Variants in SLC22A23 observed in about 807,000 individuals in gnomAD.
The protein encoded by SLC22A23 is solute carrier family 22 member 23.
In SLC22A23, 26 loss-of-function variants were observed where a neutral mutation model predicts 61.0. That is an observed-to-expected ratio of 0.43 (90% CI 0.31 to 0.59). The LOEUF (loss-of-function observed/expected upper bound fraction) is 0.59, where lower values mean the gene tolerates loss of function less well. SLC22A23 is among the 20% of genes least tolerant of loss of function. The probability of loss-of-function intolerance (pLI) is 0.11; values close to 1 mark genes in which losing one functional copy is unlikely to be tolerated. For synonymous variants in SLC22A23, 430 were observed against 413.9 expected, an observed-to-expected ratio of 1.04 and a Z score of -0.47; for missense variants, 796 against 934.7, an observed-to-expected ratio of 0.85 and a Z score of 1.94.
intron 1 of SLC22A23, among the ~76,000 whole-genome samples, chr6:3,417,130 A>T (rs1769772792): frequency 6.6e-6 from 1 of 152,112 alleles, no homozygotes; most frequent in Non-Finnish European, 1.5e-5. Context: ...ATTCAGGAAA[A>T]GCCAAGCTCT....
chr6:3,406,604 G>A (rs772353288), intron 3 of SLC22A23, among the ~76,000 whole-genome samples: 80 of 152,026 alleles, frequency 5.3e-4, no homozygotes, highest in Non-Finnish European at 2.9e-4. Context: ...CAGTCCAAGT[G>A]TATTTAGAAA....
chr6:3,414,878 CCT>C lies in SLC22A23; in HGVS notation c.758+872_758+873del, dbSNP rs776180066. ...GCTTAGACACCTCACCGCTGCTGCC[CCT>C]GTGACCACAGAATGCCTTAAATAAA... On this transcript the variant is annotated intron_variant, in intron 2 of 9. Transcript: ENST00000406686. The surrounding 1 kb of genome is among the most constrained non-coding windows in gnomAD (Gnocchi z 5.1). Among the ~76,000 whole-genome samples the C allele has an allele frequency of 9.2e-5, 14 of 152,224 alleles. No individual in the cohort carries two copies. In the East Asian group the frequency reaches 2.5e-3, roughly 27 times the overall value.
At chr6:3,383,898 G>A (rs1223361739) in intron 3 of SLC22A23, among the ~76,000 whole-genome samples, 2 of 152,222 alleles carry the variant, frequency 1.3e-5, no homozygotes, top group Non-Finnish European at 2.9e-5. Context: ...ATGGTATGGA[G>A]TAAAGTGACA....
Position 3,386,268 on chromosome 6 carries a change from G to A in SLC22A23, c.913+23920C>T, listed in dbSNP as rs1246105497. ...AGGGGTTTAGAAACCCAAGGCAGGGGAGGTAGGAAGGGGAGGCAGAAAAGG... is the reference window on the plus strand; with the variant it reads ...AGGGGTTTAGAAACCCAAGGCAGGGAAGGTAGGAAGGGGAGGCAGAAAAGG... On this transcript the variant is annotated intron_variant, in intron 3 of 9. Transcript: ENST00000406686. The surrounding 1 kb of genome is among the most constrained non-coding windows in gnomAD (Gnocchi z 4.4). Among the ~76,000 whole-genome samples the A allele has an allele frequency of 6.6e-6, 1 of 152,206 alleles. No individual in the cohort carries two copies. Among genetic ancestry groups the A allele is most frequent in the Non-Finnish European group, 1.5e-5 (1 of 68,026 alleles).
chr6:3,282,992 G>A (rs752553594), intron 9 of SLC22A23, among the ~76,000 whole-genome samples: 3 of 152,166 alleles, frequency 2.0e-5, no homozygotes, highest in Non-Finnish European at 4.4e-5. Context: ...CAGACTCCAC[G>A]AGGGCGGGAC....
chr6:3,276,515 T>G (rs982221298), intron 9 of SLC22A23, among the ~76,000 whole-genome samples: 3 of 152,260 alleles, frequency 2.0e-5, no homozygotes, highest in Non-Finnish European at 4.4e-5. Flanking sequence ...CTCCAATGGC[T>G]CCCTCCTGCC....
rs147613810 is a variant in SLC22A23, at chr6:3,340,429, G to A, written c.914-16427C>T. ...TGTGGGCTGGCCTGGGGACCCATAC[G>A]TAACCGCAGCAGAGTCTATGACAAA... On this transcript the variant is annotated intron_variant, in intron 3 of 9. Coordinates refer to ENST00000406686, the MANE Select transcript of SLC22A23 (RefSeq NM_015482.2). 2.0e-5 allele frequency among the ~76,000 whole-genome samples: 3 copies of A among 152,264 alleles called. No homozygotes were observed. In the East Asian group the frequency reaches 5.8e-4, roughly 29 times the overall value.
chr6:3,398,499 G>A (rs1403394865), intron 3 of SLC22A23, among the ~76,000 whole-genome samples: 10 of 148,342 alleles, frequency 6.7e-5, no homozygotes, highest in African/African-American at 2.2e-4. Flanking sequence ...AAAGCCCTGT[G>A]GAAGGAAAAA....
At position 3,324,058 on chromosome 6, in the gene SLC22A23, G is replaced by A. The variant is rs1269688817; in HGVS notation, c.914-56C>T. The stretch of plus-strand genomic sequence containing the variant: ...AGTGCCCTGCTCGACAGCCCGAGAA[G>A]TCCTGGGTGCACCTGGGCCAGTGCA... On this transcript the variant is annotated intron_variant, in intron 3 of 9. Coordinates refer to ENST00000406686, the MANE Select transcript of SLC22A23 (RefSeq NM_015482.2). The surrounding 1 kb of genome is among the most constrained non-coding windows in gnomAD (Gnocchi z 4.3). The A allele has an allele frequency of 6.3e-7, 1 of 1,589,156 alleles. No homozygotes were observed. The highest frequency in any genetic ancestry group is 2.2e-5 in the East Asian group (1 of 44,468).
chr6:3,383,073 A>G (rs537164401), intron 3 of SLC22A23, among the ~76,000 whole-genome samples: 1 of 152,182 alleles, frequency 6.6e-6, no homozygotes. Context: ...GAGAAGGAAT[A>G]GAGAGATGTA....
intron 1 of SLC22A23, among the ~76,000 whole-genome samples, chr6:3,452,772 C>G (rs1772218217): frequency 6.6e-6 from 1 of 152,106 alleles, no homozygotes; most frequent in Admixed American, 6.6e-5. Context: ...ATTGCAGATT[C>G]TGCGATGCAA....
intron 9 of SLC22A23, among the ~76,000 whole-genome samples, chr6:3,273,963 C>G (rs1758671618): frequency 6.6e-6 from 1 of 152,202 alleles, no homozygotes; most frequent in African/African-American, 2.4e-5. Context: ...GCCCACGTGT[C>G]TCCTGAAATT....
At chr6:3,436,186 C>T (rs1257002834) in intron 1 of SLC22A23, among the ~76,000 whole-genome samples, 3 of 151,896 alleles carry the variant, frequency 2.0e-5, no homozygotes, top group African/African-American at 7.3e-5. Context: ...GAGTCTCAAT[C>T]TGGAGTGCAA....
chr6:3,288,807 G>A (rs1298101149), intron 6 of SLC22A23, among the ~76,000 whole-genome samples: 4 of 152,330 alleles, frequency 2.6e-5, no homozygotes, highest in South Asian at 4.1e-4. Flanking sequence ...TGATGTGGCC[G>A]TGGCCGGTCC....
chr6:3,455,572 T>TC (rs1294425427), intron 1 of SLC22A23, among the ~76,000 whole-genome samples: 1 of 152,118 alleles, frequency 6.6e-6, no homozygotes, highest in African/African-American at 2.4e-5. Flanking sequence ...TGGTCCCGAC[T>TC]CCCCCAGCAG....
intron 3 of SLC22A23, among the ~76,000 whole-genome samples, chr6:3,402,774 C>T (rs957957685): frequency 4.6e-5 from 7 of 152,236 alleles, no homozygotes; most frequent in African/African-American, 1.2e-4. Flanking sequence ...ACTCTGAGTG[C>T]GCTAGAGGGC....
At chr6:3,285,209 C>T in intron 7 of SLC22A23, 98 bp from the exon 8 acceptor site, 2 of 1,531,274 alleles carry the variant, frequency 1.3e-6, no homozygotes, top group South Asian at 1.2e-5. Context: ...CTAGCGTGTT[C>T]CCATGCGACT....
chr6:3,306,295 C>CG (rs546825224), intron 4 of SLC22A23, among the ~76,000 whole-genome samples: 81 of 152,276 alleles, frequency 5.3e-4, no homozygotes, highest in African/African-American at 1.7e-3. Flanking sequence ...CCTCCAACAC[C>CG]GGGGGTCACA....
chr6:3,442,902 T>C (rs1022213913), intron 1 of SLC22A23, among the ~76,000 whole-genome samples: 1 of 152,150 alleles, frequency 6.6e-6, no homozygotes, highest in Non-Finnish European at 1.5e-5. Context: ...CTCAGCTCTT[T>C]GGTTCTCTGT....
Sources: allele counts gnomAD v4.1 joint callset (sites outside exome capture counted in the v4.1 genomes callset), GRCh38; gene constraint gnomAD v4.1.1; non-coding constraint Gnocchi (gnomAD v3.1); transcripts MANE v1.5; gene names NCBI Gene and HGNC (gene_info 2026-07-23, HGNC 2026-07-21).